The following RTL4 variants were observed in gnomAD, a reference collection of about 807,000 sequenced individuals.
RTL4 encodes retrotransposon Gag like 4, also known as retrotransposon Gag-like protein 4.
RTL4 carries 4 observed loss-of-function variants against 5.3 expected under a neutral mutation model. The observed-to-expected ratio is 0.75, with a 90% CI of 0.37 to 1.72. The LOEUF is 1.72. Among genes scored for constraint, RTL4 ranks in the 40% most tolerant of loss-of-function variants. RTL4 has a pLI of 0.04. For synonymous variants in RTL4, 98 were observed against 87.3 expected (o/e 1.12, Z -0.68); for missense variants, 260 against 227.1 (o/e 1.14, Z -0.93).
At chrX:112,200,228 C>T in the RTL4 span, among the ~76,000 whole-genome samples, 1 of 111,859 alleles carries the variant, frequency 8.9e-6, no homozygotes, top group African/African-American at 3.2e-5. Context: ...CCTAAGTCAA[C>T]ACAGACTGTC....
chrX:112,209,086 G>A, the RTL4 span, among the ~76,000 whole-genome samples: 1 of 112,128 alleles, frequency 8.9e-6, no homozygotes, highest in Admixed American at 9.4e-5. Context: ...GAAAGACTGA[G>A]TGGTGTCCAT....
the RTL4 span, among the ~76,000 whole-genome samples, chrX:112,385,563 G>A: frequency 2.7e-5 from 3 of 111,345 alleles, no homozygotes; most frequent in African/African-American, 6.5e-5. Flanking sequence ...CTTGATCTTC[G>A]TGTCTATCGC....
chrX:112,085,872 A>G, the RTL4 span, among the ~76,000 whole-genome samples: 1 of 112,050 alleles, frequency 8.9e-6, no homozygotes. Context: ...AACCCTCACA[A>G]ATTAGCTAAG....
chrX:112,181,077 G>A, the RTL4 span, among the ~76,000 whole-genome samples: 23 of 111,794 alleles, frequency 2.1e-4, no homozygotes, highest in East Asian at 4.6e-3. Flanking sequence ...AGTGCAAGGC[G>A]TCAGGGAACT....
the RTL4 span, among the ~76,000 whole-genome samples, chrX:112,221,152 G>A: frequency 2.1e-4 from 23 of 111,837 alleles, no homozygotes; most frequent in South Asian, 1.1e-3. Context: ...CAATTATGGC[G>A]ATAGGGAAAG....
chrX:112,272,852 A>AT, the RTL4 span, among the ~76,000 whole-genome samples: 1 of 111,118 alleles, frequency 9.0e-6, no homozygotes, highest in African/African-American at 3.3e-5. Context: ...AAGTGTGCCT[A>AT]TTGTAAATGC....
chrX:112,434,799 G>A, the RTL4 span, among the ~76,000 whole-genome samples: 5 of 111,056 alleles, frequency 4.5e-5, no homozygotes, highest in Admixed American at 9.6e-5. Context: ...GGATCTCTTC[G>A]GCATCAGCTT....
At chrX:112,339,964 AACAG>A in the RTL4 span, among the ~76,000 whole-genome samples, 271 of 112,935 alleles carry the variant, frequency 2.4e-3, 1 homozygote, top group African/African-American at 7.9e-3. Context: ...AATTTACAAA[AACAG>A]ACAGCAAGAT....
At chrX:112,182,697 A>G in the RTL4 span, among the ~76,000 whole-genome samples, 4 of 112,438 alleles carry the variant, frequency 3.6e-5, no homozygotes, top group African/African-American at 6.5e-5. Flanking sequence ...TTTGATTGGT[A>G]TACCTGAAAG....
chrX:112,127,615 G>A, the RTL4 span, among the ~76,000 whole-genome samples: 1 of 111,297 alleles, frequency 9.0e-6, no homozygotes, highest in African/African-American at 3.3e-5. Context: ...CATCCAAATT[G>A]GAAAGGATGA....
chrX:112,325,173 T>G, the RTL4 span, among the ~76,000 whole-genome samples: 1 of 111,778 alleles, frequency 8.9e-6, no homozygotes, highest in African/African-American at 3.3e-5. Flanking sequence ...TGGAAGAACA[T>G]TCCATGCTCA....
At chrX:112,454,183 G>A (rs1424380171), upstream of RTL4, among the ~76,000 whole-genome samples, 1 of 111,369 alleles carries the variant, frequency 9.0e-6, no homozygotes, top group African/African-American at 3.3e-5. Flanking sequence ...GAATTGTCTT[G>A]GGCCACACAT....
the RTL4 span, among the ~76,000 whole-genome samples, chrX:112,216,023 G>A: frequency 9.0e-6 from 1 of 111,411 alleles, no homozygotes; most frequent in Non-Finnish European, 1.9e-5. Context: ...TCTGTCAAAT[G>A]TTTTCCTTTA....
chrX:112,291,356 A>C, the RTL4 span, among the ~76,000 whole-genome samples: 1 of 98,827 alleles, frequency 1.0e-5, no homozygotes, highest in African/African-American at 3.9e-5. Flanking sequence ...ATATAGATAT[A>C]TGTATGTTTG....
chrX:112,415,185 C>G, the RTL4 span, among the ~76,000 whole-genome samples: 2 of 111,565 alleles, frequency 1.8e-5, no homozygotes, highest in South Asian at 7.4e-4. Flanking sequence ...GAAACAGAAG[C>G]TTCACTCATG....
At chrX:112,133,489 C>A in the RTL4 span, among the ~76,000 whole-genome samples, 1 of 111,826 alleles carries the variant, frequency 8.9e-6, no homozygotes, top group Non-Finnish European at 1.9e-5. Flanking sequence ...AAGGGACCGA[C>A]TCCCTCCCTT....
At chrX:112,401,980 C>T in the RTL4 span, among the ~76,000 whole-genome samples, 1 of 111,676 alleles carries the variant, frequency 9.0e-6, no homozygotes, top group Non-Finnish European at 1.9e-5. Context: ...CATTCTGGAC[C>T]GGTTTTTCCC....
At chrX:112,262,866 A>T in the RTL4 span, among the ~76,000 whole-genome samples, 1 of 110,815 alleles carries the variant, frequency 9.0e-6, no homozygotes, top group Non-Finnish European at 1.9e-5. Context: ...ATGCAGTCAT[A>T]AAAAAGGATG....
At chrX:112,138,917 A>T in the RTL4 span, among the ~76,000 whole-genome samples, 1 of 111,569 alleles carries the variant, frequency 9.0e-6, no homozygotes, top group Non-Finnish European at 1.9e-5. Flanking sequence ...TATAGACTTT[A>T]TTCAGATTCT....
Sources: allele counts gnomAD v4.1 joint callset (sites outside exome capture counted in the v4.1 genomes callset), GRCh38; gene constraint gnomAD v4.1.1; transcripts MANE v1.5; gene names NCBI Gene and HGNC (gene_info 2026-07-23, HGNC 2026-07-21).